The following ORC2 variants were observed in gnomAD, a reference collection of about 807,000 sequenced individuals.
ORC2 encodes the protein origin recognition complex subunit 2.
ORC2 carries 37 observed loss-of-function variants against 77.7 expected under a neutral mutation model. The observed-to-expected ratio is 0.48, with a 90% CI of 0.37 to 0.63. ORC2 has a LOEUF of 0.63. Ranked by LOEUF, ORC2 falls within the 20% of genes least tolerant of loss-of-function variation. ORC2 has a pLI of 0.00. For missense variants in ORC2, 557 were observed against 661.9 expected (o/e 0.84, Z 1.74); for synonymous variants, 201 against 229.5 (o/e 0.88, Z 1.12).
At position 200,921,133 on chromosome 2, in the gene ORC2, G is replaced by A; in HGVS notation, c.1154C>T (p.Ser385Phe). Residue 385 changes from serine to phenylalanine, a missense_variant, in exon 14 of 18, where the codon TCT becomes TTT. Coordinates refer to ENST00000234296, the MANE Select transcript of ORC2 (RefSeq NM_006190.5). Reference sequence around the variant, plus strand: ...GTGGATGAGAAGGAAGAGTTCTAAAGAAGAATCTAAAAAGAAAAGAAATCC... The same window carrying A: ...GTGGATGAGAAGGAAGAGTTCTAAAAAAGAATCTAAAAAGAAAAGAAATCC... The part of the protein sequence containing the change: ...WIVNKFKEDS[S>F]LELFLLIHNL... The A allele has an allele frequency of 6.3e-7, 1 of 1,580,684 alleles. No homozygotes were observed. Among genetic ancestry groups the A allele is most frequent in the Non-Finnish European group, 8.6e-7 (1 of 1,162,584 alleles).
At chr2:200,918,865 A>T (rs1203752737) in intron 15 of ORC2, among the ~76,000 whole-genome samples, 1 of 150,500 alleles carries the variant, frequency 6.6e-6, no homozygotes, top group African/African-American at 2.4e-5. Context: ...TGACTAATTT[A>T]TAGATCTAAT....
intron 4 of ORC2, among the ~76,000 whole-genome samples, chr2:200,955,981 G>T (rs2041457364): frequency 6.6e-6 from 1 of 152,182 alleles, no homozygotes; most frequent in Admixed American, 6.5e-5. Flanking sequence ...TTCTTGAAAT[G>T]CTCCTCCTAG....
At position 200,931,444 on chromosome 2, in the gene ORC2, G is replaced by C. The variant is rs375954972; in HGVS notation, c.812C>G (p.Thr271Ser). Residue 271 changes from threonine to serine, a missense_variant, in exon 11 of 18, where the codon ACT (threonine) becomes AGT (serine). Transcript: ENST00000234296. ...AACCTTGCTCAATAAGTTACGCAAA[G>C]TTTGCTTTAAAAAAAAGGAGGAGGG... ...KLKRAKLDQQ[T>S]LRNLLSKVSP... The C allele has an allele frequency of 1.9e-6, 3 of 1,547,292 alleles. No homozygotes were observed. Among genetic ancestry groups the C allele is most frequent in the Non-Finnish European group, 2.6e-6 (3 of 1,147,128 alleles).
At chr2:200,954,083 A>G (rs1449183652) in intron 4 of ORC2, among the ~76,000 whole-genome samples, 1 of 150,324 alleles carries the variant, frequency 6.7e-6, no homozygotes, top group African/African-American at 2.5e-5. Context: ...CCCAGGCTGA[A>G]GTGCAATGGT....
At chr2:200,936,592 G>C in intron 8 of ORC2, among the ~76,000 whole-genome samples, 1 of 152,174 alleles carries the variant, frequency 6.6e-6, no homozygotes, top group Non-Finnish European at 1.5e-5. Context: ...TTTGATGTGA[G>C]ATACTTAAAT....
chr2:200,953,038 G>A (rs2041391991), intron 4 of ORC2, among the ~76,000 whole-genome samples: 1 of 150,878 alleles, frequency 6.6e-6, no homozygotes, highest in Non-Finnish European at 1.5e-5. Context: ...CCTGAGCCCA[G>A]GGAGGCTAAG....
chr2:200,912,384 T>C (rs987586935), intron 17 of ORC2, among the ~76,000 whole-genome samples: 9 of 152,180 alleles, frequency 5.9e-5, no homozygotes, highest in African/African-American at 2.2e-4. Context: ...GAACTCATCA[T>C]CTGTCTCCCT....
chr2:200,938,029 A>C, intron 7 of ORC2, 63 bp from the exon 8 acceptor site: 6 of 1,219,626 alleles, frequency 4.9e-6, no homozygotes, highest in Non-Finnish European at 7.1e-6. Flanking sequence ...TCTGAGTGAA[A>C]GAGGCTAGAA....
chr2:200,917,256 A>G (rs558375947), intron 15 of ORC2, among the ~76,000 whole-genome samples: 29 of 152,088 alleles, frequency 1.9e-4, no homozygotes, highest in African/African-American at 7.0e-4. Context: ...CAGCCTCTCA[A>G]AGTGCTGAGA....
intron 15 of ORC2, among the ~76,000 whole-genome samples, chr2:200,918,840 A>C (rs947361644): frequency 6.6e-6 from 1 of 151,526 alleles, no homozygotes; most frequent in African/African-American, 2.4e-5. Flanking sequence ...AAAACAAAAA[A>C]ATTCATTTAC....
intron 13 of ORC2, 51 bp from the exon 14 acceptor site, chr2:200,921,190 C>A: frequency 7.9e-7 from 1 of 1,268,908 alleles, no homozygotes; most frequent in South Asian, 1.5e-5. Flanking sequence ...TAGAGGGTCT[C>A]ACTCTGTTGC....
chr2:200,933,999 C>A, intron 9 of ORC2, 25 bp from the exon 10 acceptor site: 1 of 1,176,842 alleles, frequency 8.5e-7, no homozygotes, highest in South Asian at 1.3e-5. Context: ...AGTAGTCAGT[C>A]CTTAGTAGCT....
intron 4 of ORC2, among the ~76,000 whole-genome samples, chr2:200,954,156 C>T (rs2041419847): frequency 6.6e-6 from 1 of 151,970 alleles, no homozygotes; most frequent in Non-Finnish European, 1.5e-5. Flanking sequence ...CCTCAGCCTC[C>T]CGAGTAGCTG....
rs185822887 is a variant in ORC2, at chr2:200,958,999, A to T, written c.-11+393T>A. Among the ~76,000 whole-genome samples the T allele has an allele frequency of 2.4e-3, 367 of 152,242 alleles. 3 individuals are homozygous for T. The highest frequency in any genetic ancestry group is 8.5e-3 in the African/African-American group (354 of 41,528). On this transcript the variant is annotated intron_variant, in intron 2 of 17. Transcript: ENST00000234296. ...TTCACCTTTTCTTTTGGCAGGAGAA[A>T]CTATTGACTGTGTCTCTCTTTTCTT...
intron 13 of ORC2, among the ~76,000 whole-genome samples, chr2:200,922,775 A>G (rs1461587065): frequency 6.6e-6 from 1 of 152,222 alleles, no homozygotes; most frequent in African/African-American, 2.4e-5. Context: ...TGACTTAGGC[A>G]TCTATTTTAA....
intron 4 of ORC2, among the ~76,000 whole-genome samples, chr2:200,951,073 CCA>C (rs1419746782): frequency 6.6e-6 from 1 of 152,140 alleles, no homozygotes; most frequent in Non-Finnish European, 1.5e-5. Flanking sequence ...TTTACTGTCT[CCA>C]CAGTTTTGCA....
intron 1 of ORC2, chr2:200,963,117 T>G (rs2041611924): frequency 4.4e-6 from 1 of 225,004 alleles, no homozygotes; most frequent in Admixed American, 5.8e-5. Flanking sequence ...GAGGGCTTCG[T>G]AAGCTGGGAA....
rs1366944258 is a variant in ORC2 at position 200,910,617 on chromosome 2, T to G, written c.*684A>C. ...GCACAGACAATAACTGTTCCAAATATATGACGTATTGTTCCTGTGCTTTCT... is the reference window on the plus strand; with the variant it reads ...GCACAGACAATAACTGTTCCAAATAGATGACGTATTGTTCCTGTGCTTTCT... On this transcript the variant is annotated 3_prime_UTR_variant, in exon 18 of 18. Transcript: ENST00000234296. The G allele has an allele frequency of 6.6e-6, 1 of 152,218 alleles. No homozygotes were observed. Among genetic ancestry groups the G allele is most frequent in the Non-Finnish European group, 1.5e-5 (1 of 68,042 alleles). 9.4% of individuals were successfully genotyped at this position (152,218 alleles called of 1,614,324 possible). A position where few individuals can be genotyped will look rare whatever the true frequency, so the allele number is the denominator to read the frequency against.
intron 16 of ORC2, chr2:200,913,703 T>A (rs1282374317): frequency 7.4e-7 from 1 of 1,351,944 alleles, no homozygotes; most frequent in Admixed American, 3.6e-5. Context: ...GCACAGAAAA[T>A]TTTAAAAGTA....
Sources: gnomAD v4.1 joint callset for allele counts (sites outside exome capture counted in the v4.1 genomes callset) on GRCh38, gnomAD v4.1.1 for gene constraint, MANE v1.5 for transcripts, NCBI Gene and HGNC (gene_info 2026-07-23, HGNC 2026-07-21) for gene names.